Variants in KAT6A observed in about 807,000 individuals in gnomAD.
KAT6A encodes histone acetyltransferase KAT6A.
A neutral mutation model predicts 198.4 loss-of-function variants in KAT6A; 9 were observed. That is an observed-to-expected ratio of 0.05 (90% CI 0.03 to 0.08). The LOEUF (loss-of-function observed/expected upper bound fraction) is 0.08, where lower values mean the gene tolerates loss of function less well. Among genes scored for constraint, KAT6A ranks in the 10% least tolerant of loss-of-function variants. The pLI is 1.00. For missense variants in KAT6A, 2,077 were observed against 2,509.9 expected (o/e 0.83, Z 3.69); for synonymous variants, 890 against 883.0 (o/e 1.01, Z -0.14).
At chr8:41,998,975 T>G (rs1447372143) in intron 2 of KAT6A, among the ~76,000 whole-genome samples, 1 of 152,200 alleles carries the variant, frequency 6.6e-6, no homozygotes, top group East Asian at 1.9e-4. Context: ...ATAGGGATGC[T>G]AAATTGAATT....
chr8:42,033,975 G>T (rs549759173), intron 2 of KAT6A, among the ~76,000 whole-genome samples: 3 of 152,156 alleles, frequency 2.0e-5, no homozygotes, highest in African/African-American at 7.2e-5. Context: ...AAGTGTGTAC[G>T]GACATATGCA....
intron 9 of KAT6A, among the ~76,000 whole-genome samples, chr8:41,949,678 T>G (rs911095081): frequency 6.6e-6 from 1 of 152,250 alleles, no homozygotes; most frequent in African/African-American, 2.4e-5. Context: ...ACAAAAATGT[T>G]TGATTTGTGT....
intron 14 of KAT6A, among the ~76,000 whole-genome samples, chr8:41,941,645 C>T (rs960089316): frequency 1.3e-5 from 2 of 152,138 alleles, no homozygotes; most frequent in African/African-American, 4.8e-5. Context: ...ATCTCCCCAA[C>T]AATCATATGA....
intron 2 of KAT6A, among the ~76,000 whole-genome samples, chr8:42,040,751 A>G (rs1479912802): frequency 2.0e-5 from 3 of 150,592 alleles, no homozygotes; most frequent in Non-Finnish European, 3.0e-5. Context: ...AAAAAAAAAA[A>G]AAAAAAAAAG....
intron 8 of KAT6A, chr8:41,956,952 A>T: frequency 2.2e-6 from 1 of 456,510 alleles, no homozygotes; most frequent in Non-Finnish European, 4.5e-6. Context: ...TAATAACAAC[A>T]GTATAGGAAA....
intron 2 of KAT6A, among the ~76,000 whole-genome samples, chr8:41,996,950 C>T (rs1243742522): frequency 7.9e-5 from 12 of 151,872 alleles, no homozygotes; most frequent in Non-Finnish European, 1.8e-4. Context: ...TATATGATTC[C>T]ATTTATATGA....
intron 2 of KAT6A, among the ~76,000 whole-genome samples, chr8:42,045,358 C>T (rs1486254902): frequency 6.6e-6 from 1 of 151,970 alleles, no homozygotes; most frequent in Non-Finnish European, 1.5e-5. Context: ...GTTGGGAGTT[C>T]GAGATGAGCC....
chr8:41,954,056 CTG>C lies in KAT6A; in HGVS notation c.1598+1238_1598+1239del, dbSNP rs1466477236. On this transcript the variant is annotated intron_variant, in intron 9 of 16. Transcript: ENST00000265713. ...TCCCACAGTAAATGGCCCTCAATTG[CTG>C]TGTTTCATGAGCTTGTGTGTTAGTT... 3.0e-4 allele frequency among the ~76,000 whole-genome samples: 45 copies of C among 152,222 alleles called. 2 individuals carry two copies. Among genetic ancestry groups the C allele is most frequent in the Admixed American group, 2.5e-3 (38 of 15,286 alleles).
intron 7 of KAT6A, among the ~76,000 whole-genome samples, chr8:41,975,951 TTAGA>T (rs1230292978): frequency 6.6e-6 from 1 of 152,240 alleles, no homozygotes; most frequent in Non-Finnish European, 1.5e-5. Context: ...GCATATTTTC[TTAGA>T]TAAACATGCT....
chr8:41,937,185 A>G, intron 16 of KAT6A, 71 bp downstream of exon 16: 1 of 1,198,288 alleles, frequency 8.3e-7, no homozygotes, highest in South Asian at 1.5e-5. Flanking sequence ...TTTTTACTGA[A>G]GGGTCTGTCA....
At chr8:41,940,277 T>C (rs1822044391) in intron 15 of KAT6A, among the ~76,000 whole-genome samples, 1 of 152,190 alleles carries the variant, frequency 6.6e-6, no homozygotes. Context: ...TGGAATATAG[T>C]TTAGAAAATA....
At position 41,981,722 on chromosome 8, in the gene KAT6A, T is replaced by C. The variant is rs573329720; in HGVS notation, c.825+117A>G. Reference sequence around the variant, plus strand: ...TGTAGTTTAAAGAGACTACCGGCTATTCTAAATGCTACTGGACCAAGTGTC... The same window carrying C: ...TGTAGTTTAAAGAGACTACCGGCTACTCTAAATGCTACTGGACCAAGTGTC... On this transcript the variant is annotated intron_variant, in intron 4 of 16. Transcript: ENST00000265713. 9 of 672,180 alleles carry C rather than the reference T, an allele frequency of 1.3e-5. No homozygotes were observed. In the East Asian group the frequency reaches 2.5e-4, roughly 18 times the overall value. 41.6% of individuals were successfully genotyped at this position (672,180 alleles called of 1,614,324 possible). A position where few individuals can be genotyped will look rare whatever the true frequency, so the allele number is the denominator to read the frequency against.
rs1010002145 is a variant in KAT6A at position 41,929,930 on chromosome 8, ATTTC to A, written c.*2271_*2274del. ...AAAGTCACTAACAGTGAGTTTTTAA[ATTTC>A]TTTTTTAGAAGATTACCCAAGTTAT... On this transcript the variant is annotated 3_prime_UTR_variant, in exon 17 of 17. Coordinates refer to ENST00000265713, the MANE Select transcript of KAT6A (RefSeq NM_006766.5). 2 of 216,640 alleles carry A rather than the reference ATTTC, an allele frequency of 9.2e-6. No homozygotes were observed. The highest frequency in any genetic ancestry group is 4.5e-5 in the African/African-American group (2 of 44,434). 13.4% of individuals were successfully genotyped at this position (216,640 alleles called of 1,614,324 possible).
intron 14 of KAT6A, 78 bp downstream of exon 14, chr8:41,942,715 T>C (rs1037711460): frequency 3.2e-5 from 47 of 1,450,308 alleles, no homozygotes; most frequent in Non-Finnish European, 4.3e-5. Flanking sequence ...AAGATGATCA[T>C]AATACATTAT....
intron 2 of KAT6A, among the ~76,000 whole-genome samples, chr8:42,024,965 T>C (rs1330072043): frequency 6.6e-6 from 1 of 152,194 alleles, no homozygotes; most frequent in Non-Finnish European, 1.5e-5. Context: ...AAACACCTAA[T>C]AGTGGAACTG....
At chr8:42,041,511 C>A (rs1030327586) in intron 2 of KAT6A, among the ~76,000 whole-genome samples, 6 of 152,028 alleles carry the variant, frequency 3.9e-5, no homozygotes, top group Non-Finnish European at 8.8e-5. Context: ...CGGAGGTGGG[C>A]GGATCACCTG....
chr8:41,956,128 G>C (rs1451525643), intron 8 of KAT6A, among the ~76,000 whole-genome samples: 1 of 152,040 alleles, frequency 6.6e-6, no homozygotes, highest in Non-Finnish European at 1.5e-5. Context: ...AATTTTTAAA[G>C]CCTTTATGAC....
At chr8:41,946,465 C>T (rs1822391228) in intron 12 of KAT6A, 126 bp downstream of exon 12, 1 of 510,626 alleles carries the variant, frequency 2.0e-6, no homozygotes, top group Admixed American at 3.6e-5. Flanking sequence ...GCCAACAAAG[C>T]ACCTACAAAT....
rs893622134 is a variant in KAT6A, at chr8:41,931,653, CAAT to C, written c.*549_*551del. The C allele has an allele frequency of 6.5e-5, 12 of 184,306 alleles. No homozygotes were observed. The highest frequency in any genetic ancestry group is 3.9e-4 in the South Asian group (2 of 5,066). The allele number at this position is 184,306 out of a possible 1,614,324, so 11.4% of individuals were successfully genotyped here. ...TTAATAATAATAATAATAATATTAA[CAAT>C]AATAATAAGTTTAAGGAGCTTGGGT... On this transcript the variant is annotated 3_prime_UTR_variant, in exon 17 of 17. Transcript: ENST00000265713.
Sources: allele counts gnomAD v4.1 joint callset (sites outside exome capture counted in the v4.1 genomes callset), GRCh38; gene constraint gnomAD v4.1.1; transcripts MANE v1.5; gene names NCBI Gene and HGNC (gene_info 2026-07-23, HGNC 2026-07-21).